MVB12B: variants seen among roughly 807,000 people sequenced by gnomAD.
The protein encoded by MVB12B is multivesicular body subunit 12B, also known as ESCRT-I complex subunit MVB12B.
MVB12B carries 16 observed loss-of-function variants against 41.6 expected under a neutral mutation model. The ratio of observed to expected loss-of-function variants is 0.38; its 90% confidence interval spans 0.26 to 0.58. The LOEUF is 0.58. MVB12B is among the 20% of genes least tolerant of loss of function. The pLI is 0.62. For missense variants in MVB12B, 274 were observed against 380.2 expected, an observed-to-expected ratio of 0.72 and a Z score of 2.32; for synonymous variants, 133 against 139.7, an observed-to-expected ratio of 0.95 and a Z score of 0.34.
intron 7 of MVB12B, among the ~76,000 whole-genome samples, chr9:126,479,028 C>T (rs1278248563): frequency 1.3e-5 from 2 of 152,140 alleles, no homozygotes; most frequent in Non-Finnish European, 2.9e-5. Context: ...AGAGAGGACT[C>T]TGCTGTGGAC....
intron 3 of MVB12B, among the ~76,000 whole-genome samples, chr9:126,383,478 AT>A (rs1830688879): frequency 6.6e-6 from 1 of 152,202 alleles, no homozygotes; most frequent in South Asian, 2.1e-4. Context: ...AAACAGAAGG[AT>A]TTATGAACAT....
intron 7 of MVB12B, among the ~76,000 whole-genome samples, chr9:126,425,883 T>C (rs1832162322): frequency 6.6e-6 from 1 of 152,224 alleles, no homozygotes; most frequent in Non-Finnish European, 1.5e-5. Context: ...CTGTTACCCA[T>C]CTGGGTTAGG....
intron 7 of MVB12B, among the ~76,000 whole-genome samples, chr9:126,455,622 C>T (rs1832966117): frequency 6.6e-6 from 1 of 152,116 alleles, no homozygotes; most frequent in Admixed American, 6.6e-5. Flanking sequence ...GAAACTGGAA[C>T]CACAGGCGTG....
chr9:126,413,356 G>T (rs1013748790), intron 6 of MVB12B, among the ~76,000 whole-genome samples: 2 of 152,142 alleles, frequency 1.3e-5, no homozygotes, highest in African/African-American at 4.8e-5. Flanking sequence ...AGTAGGGGGG[G>T]TCTCAGCAAC....
intron 9 of MVB12B, among the ~76,000 whole-genome samples, chr9:126,501,438 G>C (rs896116685): frequency 1.3e-5 from 2 of 152,212 alleles, no homozygotes; most frequent in Non-Finnish European, 2.9e-5. Context: ...GCTGTGAACA[G>C]GGCTCCCTTC....
intron 2 of MVB12B, among the ~76,000 whole-genome samples, chr9:126,368,531 A>T (rs77024849): frequency 0.01 from 1,585 of 152,174 alleles, 8 homozygotes; most frequent in African/African-American, 0.014. Flanking sequence ...AAAATTTTTT[A>T]AAAAAAATCA....
At position 126,367,950 on chromosome 9, in the gene MVB12B, G is replaced by A. The variant is rs1344752583; in HGVS notation, c.205-13114G>A. 4.6e-5 allele frequency among the ~76,000 whole-genome samples: 7 copies of A among 152,188 alleles called. No homozygotes were observed. Among genetic ancestry groups the A allele is most frequent in the South Asian group, 2.1e-4 (1 of 4,830 alleles). ...CATAAATGGCTAGAGAATGTTTGCT[G>A]AAAGAAAAGGAAAGACTTGTGTCCT... On this transcript the variant is annotated intron_variant, in intron 2 of 9. Coordinates refer to ENST00000361171, the MANE Select transcript of MVB12B (RefSeq NM_033446.3). This position sits in a 1 kb window ranked among gnomAD's most constrained non-coding sequence, Gnocchi z 4.3.
At chr9:126,370,439 G>A (rs1830305263) in intron 2 of MVB12B, among the ~76,000 whole-genome samples, 1 of 149,178 alleles carries the variant, frequency 6.7e-6, no homozygotes, top group Admixed American at 6.8e-5. Flanking sequence ...CTGGAGTGCA[G>A]TGGCGCCATC....
At chr9:126,479,808 G>A (rs1256025255) in intron 7 of MVB12B, among the ~76,000 whole-genome samples, 7 of 152,192 alleles carry the variant, frequency 4.6e-5, no homozygotes, top group Admixed American at 1.3e-4. Context: ...AGAAGGTTTC[G>A]TTTCTTTCCT....
chr9:126,494,084 TTA>T (rs1362649830), intron 9 of MVB12B, among the ~76,000 whole-genome samples: 1 of 152,206 alleles, frequency 6.6e-6, no homozygotes, highest in African/African-American at 2.4e-5. Flanking sequence ...GACTTGCTAT[TTA>T]TAGACATTGT....
intron 2 of MVB12B, among the ~76,000 whole-genome samples, chr9:126,365,955 C>G (rs929115444): frequency 1.3e-5 from 2 of 152,176 alleles, no homozygotes; most frequent in Admixed American, 1.3e-4. Flanking sequence ...TTGGAGCACC[C>G]TCCAGTGGCC....
chr9:126,409,656 ACCAGCACCCCT>A lies in MVB12B; in HGVS notation c.663-12187_663-12177del, dbSNP rs575991051. The stretch of plus-strand genomic sequence containing the variant: ...GCCTGCTGCAGTTGCAACTCCAGTC[ACCAGCACCCCT>A]CCAGCACCCCACAGCATCAGAGACT... On this transcript the variant is annotated intron_variant, in intron 6 of 9. Coordinates refer to ENST00000361171, the MANE Select transcript of MVB12B (RefSeq NM_033446.3). Among the ~76,000 whole-genome samples the A allele has an allele frequency of 1.1e-4, 16 of 152,202 alleles. No individual in the cohort carries two copies. In the East Asian group the frequency reaches 1.5e-3, roughly 15 times the overall value.
rs1169106290 is a variant in MVB12B, at chr9:126,436,103, AAAAG to A, written c.757+14157_757+14160del. ...ATTAAAACAGGTAATTTTGGGGAAA[AAAAG>A]AGATGCTGTTTTTTGGATCACTGCA... is the stretch of plus-strand genomic sequence containing the variant. On this transcript the variant is annotated intron_variant, in intron 7 of 9. Transcript: ENST00000361171. The surrounding 1 kb of genome is among the most constrained non-coding windows in gnomAD (Gnocchi z 4.1). Among the ~76,000 whole-genome samples, 4 of 152,210 alleles carry A rather than the reference AAAAG, an allele frequency of 2.6e-5. No homozygotes were observed. Among genetic ancestry groups the A allele is most frequent in the African/African-American group, 4.8e-5 (2 of 41,446 alleles).
At chr9:126,446,485 T>G (rs542914100) in intron 7 of MVB12B, among the ~76,000 whole-genome samples, 82 of 147,242 alleles carry the variant, frequency 5.6e-4, no homozygotes, top group Non-Finnish European at 1.1e-3. Context: ...TTTAAATGGC[T>G]GTTCATTTTG....
chr9:126,400,982 G>A (rs146064791), intron 6 of MVB12B, among the ~76,000 whole-genome samples: 39 of 152,196 alleles, frequency 2.6e-4, no homozygotes, highest in Non-Finnish European at 4.3e-4. Flanking sequence ...TCCATCCTGC[G>A]GGGGCTCTCC....
intron 2 of MVB12B, among the ~76,000 whole-genome samples, chr9:126,378,852 T>G (rs1304714332): frequency 6.6e-6 from 1 of 152,154 alleles, no homozygotes; most frequent in Non-Finnish European, 1.5e-5. Flanking sequence ...CGTTGCCGGC[T>G]TCTCCCATTA....
At chr9:126,371,400 C>G (rs1027375981) in intron 2 of MVB12B, among the ~76,000 whole-genome samples, 2 of 152,278 alleles carry the variant, frequency 1.3e-5, no homozygotes, top group African/African-American at 4.8e-5. Flanking sequence ...GTGGGCCCCC[C>G]ACGGAACTGT....
Position 126,497,976 on chromosome 9 carries a change from G to A in MVB12B, c.874-5201G>A, listed in dbSNP as rs1030315612. Among the ~76,000 whole-genome samples, 8 of 152,174 alleles carry A rather than the reference G, an allele frequency of 5.3e-5. No homozygotes were observed. The South Asian group carries it at 8.3e-4, about 16-fold the overall frequency. ...GCAGCGGGCGGCCCACCCTCGTCTC[G>A]CAGAAGAGGCCTGCAGGATGGGGCC... On this transcript the variant is annotated intron_variant, in intron 9 of 9. Transcript: ENST00000361171.
rs148430727 is a variant in MVB12B at position 126,368,252 on chromosome 9, C to T, written c.205-12812C>T. Among the ~76,000 whole-genome samples, 613 of 152,318 alleles carry T rather than the reference C, an allele frequency of 4.0e-3. 4 individuals carry two copies. Among genetic ancestry groups the T allele is most frequent in the Admixed American group, 8.4e-3 (128 of 15,298 alleles). On this transcript the variant is annotated intron_variant, in intron 2 of 9. Transcript: ENST00000361171. The stretch of plus-strand genomic sequence containing the variant: ...TAACACAGCCAAGGCCACACAGCCA[C>T]TACTGGTTTGTGAATCCAGGATTTG...
Sources: allele counts gnomAD v4.1 joint callset (sites outside exome capture counted in the v4.1 genomes callset), GRCh38; gene constraint gnomAD v4.1.1; non-coding constraint Gnocchi (gnomAD v3.1); transcripts MANE v1.5; gene names NCBI Gene and HGNC (gene_info 2026-07-23, HGNC 2026-07-21).